Variants in ADAM23 observed in about 807,000 individuals in gnomAD.
The protein encoded by ADAM23 is ADAM metallopeptidase domain 23.
Under a neutral mutation model 120.1 loss-of-function variants are expected in ADAM23, and 33 were observed. The ratio of observed to expected loss-of-function variants is 0.27; its 90% confidence interval spans 0.21 to 0.37. The LOEUF (loss-of-function observed/expected upper bound fraction) is 0.37, where lower values mean the gene tolerates loss of function less well. Among genes scored for constraint, ADAM23 ranks in the 10% least tolerant of loss-of-function variants. The pLI is 1.00. For synonymous variants in ADAM23, 367 were observed against 375.2 expected, an observed-to-expected ratio of 0.98 and a Z score of 0.25; for missense variants, 862 against 1,058.2, an observed-to-expected ratio of 0.81 and a Z score of 2.57.
At chr2:206,510,197 T>C (rs1228310788) in intron 3 of ADAM23, among the ~76,000 whole-genome samples, 2 of 152,236 alleles carry the variant, frequency 1.3e-5, no homozygotes, top group Non-Finnish European at 2.9e-5. Flanking sequence ...ATTCTAATTA[T>C]GAGCACCTTC....
rs144139318 is a variant in ADAM23 at position 206,477,488 on chromosome 2, T to C, written c.433-3744T>C. Reference sequence around the variant, plus strand: ...ATTCTTGTTGTGAAATGATGTTCTTTGGCTATAAAACCCTGCATTCTTCCC... The same window carrying C: ...ATTCTTGTTGTGAAATGATGTTCTTCGGCTATAAAACCCTGCATTCTTCCC... On this transcript the variant is annotated intron_variant, in intron 2 of 25. Coordinates refer to ENST00000264377, the MANE Select transcript of ADAM23 (RefSeq NM_003812.4). 2.1e-3 allele frequency among the ~76,000 whole-genome samples: 324 copies of C among 152,258 alleles called. 1 individual carries two copies. The highest frequency in any genetic ancestry group is 7.6e-3 in the African/African-American group (314 of 41,580).
At chr2:206,488,419 G>T (rs1023255407) in intron 3 of ADAM23, among the ~76,000 whole-genome samples, 3 of 152,172 alleles carry the variant, frequency 2.0e-5, no homozygotes, top group African/African-American at 7.2e-5. Flanking sequence ...GACTCCTACA[G>T]GAGGCTGCCT....
At position 206,445,619 on chromosome 2, in the gene ADAM23, C is replaced by T. The variant is rs1695067867; in HGVS notation, c.432+95C>T. The T allele has an allele frequency of 6.5e-6, 7 of 1,071,232 alleles. No homozygotes were observed. In the South Asian group the frequency reaches 1.1e-4, roughly 17 times the overall value. The allele number at this position is 1,071,232 out of a possible 1,614,324, so 66.4% of individuals were successfully genotyped here. A position where few individuals can be genotyped will look rare whatever the true frequency, so the allele number is the denominator to read the frequency against. ...GAATCTGAGTTCACAAATTTTACTG[C>T]AGCATTTTATTAAGAAAGCAATTAA... is the stretch of plus-strand genomic sequence containing the variant. On this transcript the variant is annotated intron_variant, in intron 2 of 25. Transcript: ENST00000264377.
chr2:206,463,784 A>T (rs927003973), intron 2 of ADAM23, among the ~76,000 whole-genome samples: 4 of 152,234 alleles, frequency 2.6e-5, no homozygotes, highest in Non-Finnish European at 5.9e-5. Flanking sequence ...GGTAAATGGT[A>T]TGTAGAGACC....
chr2:206,607,244 A>G (rs915319404), intron 24 of ADAM23: 2 of 152,234 alleles, frequency 1.3e-5, no homozygotes, highest in African/African-American at 2.4e-5. Flanking sequence ...TGTATTAGAA[A>G]ACAAAGACCA....
At chr2:206,575,529 G>A (rs1033626763) in intron 18 of ADAM23, among the ~76,000 whole-genome samples, 2 of 152,102 alleles carry the variant, frequency 1.3e-5, no homozygotes, top group Non-Finnish European at 2.9e-5. Context: ...AGCTCCTCAG[G>A]ACAAGCTCCT....
chr2:206,448,688 G>T (rs1392694704), intron 2 of ADAM23, among the ~76,000 whole-genome samples: 1 of 152,196 alleles, frequency 6.6e-6, no homozygotes, highest in Non-Finnish European at 1.5e-5. Flanking sequence ...TCATGCCTAT[G>T]TAAGGAAGCA....
chr2:206,598,104 A>G (rs1029896902), intron 24 of ADAM23, among the ~76,000 whole-genome samples: 1 of 152,198 alleles, frequency 6.6e-6, no homozygotes, highest in Non-Finnish European at 1.5e-5. Flanking sequence ...CTAGAACAAA[A>G]AATTCTTGGA....
chr2:206,606,029 T>G (rs1698722788), intron 24 of ADAM23: 2 of 550,216 alleles, frequency 3.6e-6, no homozygotes, highest in Non-Finnish European at 6.4e-6. Context: ...TTGTGTCCTG[T>G]GGTTTTCTTG....
intron 25 of ADAM23, among the ~76,000 whole-genome samples, chr2:206,614,238 C>A (rs1698890371): frequency 6.6e-6 from 1 of 152,210 alleles, no homozygotes; most frequent in Admixed American, 6.5e-5. Flanking sequence ...AAAAGCTCTT[C>A]TGAGCCTGAC....
chr2:206,472,873 A>G (rs1695689774), intron 2 of ADAM23, among the ~76,000 whole-genome samples: 1 of 152,148 alleles, frequency 6.6e-6, no homozygotes, highest in African/African-American at 2.4e-5. Context: ...ACAAAGTCAC[A>G]CGGTGATCTG....
At chr2:206,488,954 G>A (rs1323277173) in intron 3 of ADAM23, among the ~76,000 whole-genome samples, 1 of 150,714 alleles carries the variant, frequency 6.6e-6, no homozygotes, top group Non-Finnish European at 1.5e-5. Flanking sequence ...CAAACAGAAG[G>A]CAAACTGCCT....
intron 3 of ADAM23, among the ~76,000 whole-genome samples, chr2:206,491,624 T>C (rs759316021): frequency 3.9e-5 from 6 of 152,164 alleles, no homozygotes; most frequent in Admixed American, 1.3e-4. Flanking sequence ...CAGAAGTTAA[T>C]TGTGACAAAA....
intron 10 of ADAM23, among the ~76,000 whole-genome samples, chr2:206,558,539 A>G (rs943923031): frequency 2.6e-5 from 4 of 152,184 alleles, no homozygotes; most frequent in South Asian, 4.1e-4. Context: ...AGTATCTCAT[A>G]TAGAGTTAGG....
chr2:206,477,183 T>G (rs375733114), intron 2 of ADAM23, among the ~76,000 whole-genome samples: 1 of 152,200 alleles, frequency 6.6e-6, no homozygotes, highest in East Asian at 1.9e-4. Flanking sequence ...AAACAAGTCT[T>G]AGCCGAAGAA....
Position 206,579,316 on chromosome 2 carries a change from A to G in ADAM23, c.1737+6121A>G, listed in dbSNP as rs116121790. Among the ~76,000 whole-genome samples, 1,024 of 152,220 alleles carry G rather than the reference A, an allele frequency of 6.7e-3. 13 individuals carry two copies. The highest frequency in any genetic ancestry group is 0.024 in the African/African-American group (980 of 41,556). On this transcript the variant is annotated intron_variant, in intron 18 of 25. Transcript: ENST00000264377. ...TCATGAAATCTTTGCCTATAAGCCA[A>G]TGTCTAGAAGGGTTTTTCAATGTTT...
intron 3 of ADAM23, among the ~76,000 whole-genome samples, chr2:206,485,206 T>C (rs1211825993): frequency 6.6e-6 from 1 of 152,128 alleles, no homozygotes. Context: ...GATGTGTTGC[T>C]GGGGGTGGGC....
intron 2 of ADAM23, among the ~76,000 whole-genome samples, chr2:206,451,440 A>G (rs370369404): frequency 8.9e-4 from 136 of 152,266 alleles, no homozygotes; most frequent in African/African-American, 3.1e-3. Flanking sequence ...GGGTTTCACC[A>G]TGTTGGCCAG....
chr2:206,578,723 T>C (rs1698166725), intron 18 of ADAM23, among the ~76,000 whole-genome samples: 1 of 152,174 alleles, frequency 6.6e-6, no homozygotes, highest in East Asian at 1.9e-4. Flanking sequence ...AGTATCTTTT[T>C]TGAATAATGA....
Sources: allele counts gnomAD v4.1 joint callset (sites outside exome capture counted in the v4.1 genomes callset), GRCh38; gene constraint gnomAD v4.1.1; transcripts MANE v1.5; gene names NCBI Gene and HGNC (gene_info 2026-07-23, HGNC 2026-07-21).